ZSCAN26: variants seen among roughly 807,000 people sequenced by gnomAD.
The protein encoded by ZSCAN26 is zinc finger and SCAN domain-containing protein 26.
Under a neutral mutation model 23.0 loss-of-function variants are expected in ZSCAN26, and 26 were observed. The ratio of observed to expected loss-of-function variants is 1.13; its 90% CI spans 0.83 to 1.57. The LOEUF is 1.57. Ranked by LOEUF, ZSCAN26 falls within the 40% of genes most tolerant of loss-of-function variation. The pLI is 0.00. For synonymous variants in ZSCAN26, 180 were observed against 202.5 expected (o/e 0.89, Z 0.94); for missense variants, 528 against 568.5 (o/e 0.93, Z 0.72).
At chr6:28,269,170 G>A (rs1360003327) in intron 1 of ZSCAN26, among the ~76,000 whole-genome samples, 2 of 150,880 alleles carry the variant, frequency 1.3e-5, no homozygotes, top group Non-Finnish European at 2.9e-5. Context: ...CATACCACAT[G>A]TTTATTTATA....
chr6:28,268,652 T>G (rs539693569), intron 1 of ZSCAN26, among the ~76,000 whole-genome samples: 1 of 152,294 alleles, frequency 6.6e-6, no homozygotes, highest in Non-Finnish European at 1.5e-5. Flanking sequence ...TCAATAGAAC[T>G]TGATTGATCA....
At chr6:28,271,099 AG>A (rs1279271566) in intron 1 of ZSCAN26, among the ~76,000 whole-genome samples, 2 of 152,242 alleles carry the variant, frequency 1.3e-5, no homozygotes, top group African/African-American at 4.8e-5. Context: ...TCTAAGGCCC[AG>A]GGTCTTTCCA....
intron 1 of ZSCAN26, among the ~76,000 whole-genome samples, chr6:28,269,744 C>T (rs1348283758): frequency 6.6e-6 from 1 of 152,170 alleles, no homozygotes; most frequent in African/African-American, 2.4e-5. Context: ...CTTTTAACTG[C>T]TTGGATGAGG....
chr6:28,275,798 A>C (rs1175632667), intron 3 of ZSCAN26, among the ~76,000 whole-genome samples: 1 of 152,172 alleles, frequency 6.6e-6, no homozygotes, highest in Non-Finnish European at 1.5e-5. Context: ...TTTTCAGTTA[A>C]AATGTCGTCC....
chr6:28,272,742 CA>C lies in ZSCAN26; in HGVS notation c.494del (p.Gln165ArgfsTer28). ...CCCTCTGAAAGGAGTACAGGAACAG[CA>C]GGTTCGGCATGAGTGTGAAGTTACA... Reference protein sequence around the residue: ...MAPLKGVQEQQVRHECEVTKP... With the variant: ...MAPLKGVQEQXVRHECEVTKP... On this transcript the variant is annotated frameshift_variant, in exon 3 of 4. Transcript: ENST00000421553. LOFTEE classifies it low-confidence loss of function (END_TRUNC). The C allele has an allele frequency of 6.2e-7, 1 of 1,613,548 alleles. No homozygotes were observed. The highest frequency in any genetic ancestry group is 8.5e-7 in the Non-Finnish European group (1 of 1,179,704).
Position 28,276,535 on chromosome 6 carries a change from G to A in ZSCAN26, c.879G>A (p.Gln293=), listed in dbSNP as rs757299852. The A allele has an allele frequency of 6.2e-7, 1 of 1,613,606 alleles. No individual in the cohort carries two copies. The highest frequency in any genetic ancestry group is 8.5e-7 in the Non-Finnish European group (1 of 1,179,786). ...HQCHECGKAF[Q]RSSHLVRHQK... ...GTCATGAGTGTGGGAAAGCCTTTCA[G>A]AGGAGTTCACACCTCGTCAGACATC... Residue 293 remains glutamine (Q), a synonymous_variant, in exon 4 of 4, where the codon CAG becomes CAA. Coordinates refer to ENST00000421553, the MANE Select transcript of ZSCAN26 (RefSeq NM_001023560.4).
chr6:28,270,695 G>C (rs1761646232), intron 1 of ZSCAN26, among the ~76,000 whole-genome samples: 2 of 152,128 alleles, frequency 1.3e-5, no homozygotes, highest in Non-Finnish European at 2.9e-5. Flanking sequence ...TATCTTTCTT[G>C]TTCCATTCAA....
In ZSCAN26 at chr6:28,272,067, T is replaced by C. The variant is rs1414889825; in HGVS notation, c.148T>C (p.Leu50=). 1.3e-6 allele frequency: 2 copies of C among 1,560,610 alleles called. No homozygotes were observed. The highest frequency in any genetic ancestry group is 1.7e-4 in the Middle Eastern group (1 of 6,032). ...CAGTAAAGGCCTTGGACAGGAGCCATTGTGCAAACAATTCAGGCAGTTGCG... is the reference window on the plus strand; with the variant it reads ...CAGTAAAGGCCTTGGACAGGAGCCACTGTGCAAACAATTCAGGCAGTTGCG... ...GNSKGLGQEP[L]CKQFRQLRYE... is the part of the protein sequence containing the mutation. The change falls in exon 2 of 4, where the codon TTG becomes CTG. Residue 50 remains leucine (L), a synonymous_variant. Transcript: ENST00000421553.
At position 28,273,498 on chromosome 6, in the gene ZSCAN26, G is replaced by A. The variant is rs987654296; in HGVS notation, c.538+711G>A. On this transcript the variant is annotated intron_variant, in intron 3 of 3. Coordinates refer to ENST00000421553, the MANE Select transcript of ZSCAN26 (RefSeq NM_001023560.4). ...TGAGATTGCAGTGAGCTGAGATCAC[G>A]CCACTACACTTCAGCCTGGGCGACA... 4.6e-5 allele frequency among the ~76,000 whole-genome samples: 7 copies of A among 151,594 alleles called. No homozygotes were observed. The Middle Eastern group carries it at 0.01, about 221-fold the overall frequency.
In ZSCAN26 at chr6:28,272,224, T is replaced by A. The variant is rs1453320687; in HGVS notation, c.305T>A (p.Ile102Asn). The change falls in exon 2 of 4, where the codon ATC becomes AAC. Residue 102 changes from isoleucine (I) to asparagine (N), a missense_variant. Coordinates refer to ENST00000421553, the MANE Select transcript of ZSCAN26 (RefSeq NM_001023560.4). ...ELLVLEQFLI[I>N]LPKELQARVQ... Reference sequence around the variant, plus strand: ...CTGGTGCTGGAGCAGTTTCTGATCATCCTGCCTAAGGAGCTCCAGGCCCGG... The same window carrying A: ...CTGGTGCTGGAGCAGTTTCTGATCAACCTGCCTAAGGAGCTCCAGGCCCGG... The A allele has an allele frequency of 1.2e-6, 2 of 1,614,004 alleles. No homozygotes were observed. Among genetic ancestry groups the A allele is most frequent in the South Asian group, 2.2e-5 (2 of 91,030 alleles).
intron 1 of ZSCAN26, among the ~76,000 whole-genome samples, chr6:28,268,288 A>ATTGGAGGG (rs1331444401): frequency 6.6e-6 from 1 of 152,078 alleles, no homozygotes; most frequent in Non-Finnish European, 1.5e-5. Flanking sequence ...CAAGAAGAAA[A>ATTGGAGGG]TTGGAGGGTT....
In ZSCAN26 at chr6:28,277,162, A is replaced by G. The variant is rs1376717588; in HGVS notation, c.*66A>G. Reference sequence around the variant, plus strand: ...TGACTAGCAAACAGCACTTTAGGAAAAGTCACCGTAGCCCACTGTGGCATC... The same window carrying G: ...TGACTAGCAAACAGCACTTTAGGAAGAGTCACCGTAGCCCACTGTGGCATC... On this transcript the variant is annotated 3_prime_UTR_variant, in exon 4 of 4. Coordinates refer to ENST00000421553, the MANE Select transcript of ZSCAN26 (RefSeq NM_001023560.4). 4.0e-6 allele frequency: 6 copies of G among 1,505,566 alleles called. No homozygotes were observed. The highest frequency in any genetic ancestry group is 5.3e-6 in the Non-Finnish European group (6 of 1,121,944). 93.3% of individuals were successfully genotyped at this position (1,505,566 alleles called of 1,614,324 possible).
intron 1 of ZSCAN26, 30 bp from the exon 2 acceptor site, chr6:28,271,824 T>G: frequency 9.0e-7 from 1 of 1,112,262 alleles, no homozygotes; most frequent in Non-Finnish European, 1.3e-6. Flanking sequence ...ACTATTACTG[T>G]TTCTGTCACT....
intron 1 of ZSCAN26, among the ~76,000 whole-genome samples, chr6:28,270,014 G>T (rs1761617763): frequency 6.6e-6 from 1 of 152,098 alleles, no homozygotes; most frequent in Non-Finnish European, 1.5e-5. Context: ...TGTGATCTCA[G>T]CTCACTGCAA....
At chr6:28,273,062 A>G (rs1379983478) in intron 3 of ZSCAN26, among the ~76,000 whole-genome samples, 1 of 152,214 alleles carries the variant, frequency 6.6e-6, no homozygotes, top group Non-Finnish European at 1.5e-5. Flanking sequence ...AATAGCAAGA[A>G]AAGGGTACAA....
chr6:28,272,627 C>T (rs1761746042), intron 2 of ZSCAN26, 43 bp from the exon 3 acceptor site: 1 of 1,493,742 alleles, frequency 6.7e-7, no homozygotes, highest in African/African-American at 1.4e-5. Flanking sequence ...TTCCTAAACC[C>T]ACATATATCT....
intron 1 of ZSCAN26, among the ~76,000 whole-genome samples, chr6:28,267,696 G>C (rs1387034220): frequency 1.3e-5 from 2 of 152,182 alleles, no homozygotes; most frequent in African/African-American, 4.8e-5. Flanking sequence ...GAGAGGAAGA[G>C]TGTAGAGGAA....
At chr6:28,274,333 TTC>T (rs1221659033) in intron 3 of ZSCAN26, among the ~76,000 whole-genome samples, 1 of 152,226 alleles carries the variant, frequency 6.6e-6, no homozygotes, top group African/African-American at 2.4e-5. Context: ...ATTACCTTTC[TTC>T]TGGGAGCATC....
In ZSCAN26 at chr6:28,272,652, A is replaced by G; in HGVS notation, c.421-18A>G. The G allele has an allele frequency of 1.3e-6, 2 of 1,567,376 alleles. No individual in the cohort carries two copies. The highest frequency in any genetic ancestry group is 1.7e-6 in the Non-Finnish European group (2 of 1,153,240). On this transcript the variant is annotated intron_variant, in intron 2 of 3. Coordinates refer to ENST00000421553, the MANE Select transcript of ZSCAN26 (RefSeq NM_001023560.4). The stretch of plus-strand genomic sequence containing the variant: ...CACATATATCTAATTATGCCTCCAT[A>G]TACCTAATTGTCCCTAGGACCCAGA...
Sources: allele counts gnomAD v4.1 joint callset (sites outside exome capture counted in the v4.1 genomes callset), GRCh38; gene constraint gnomAD v4.1.1; transcripts MANE v1.5; gene names NCBI Gene and HGNC (gene_info 2026-07-23, HGNC 2026-07-21).